The following ZNF160 variants were observed in gnomAD, a reference collection of about 807,000 sequenced individuals.
ZNF160 encodes the protein KRAB zinc finger protein KR18.
A neutral mutation model predicts 13.1 loss-of-function variants in ZNF160; 9 were observed. The ratio of observed to expected loss-of-function variants is 0.69; its 90% CI spans 0.41 to 1.20. The LOEUF (loss-of-function observed/expected upper bound fraction) is 1.20, where lower values mean the gene tolerates loss of function less well. Ranked by LOEUF, ZNF160 falls within the 50% of genes most tolerant of loss-of-function variation. The probability of loss-of-function intolerance (pLI) is 0.01; values close to 1 mark genes in which losing one functional copy is unlikely to be tolerated. For missense variants in ZNF160, 838 were observed against 988.0 expected (o/e 0.85, Z 2.04); for synonymous variants, 293 against 333.2 (o/e 0.88, Z 1.31).
chr19:53,094,393 T>G (rs966733025), intron 1 of ZNF160, among the ~76,000 whole-genome samples: 10 of 152,098 alleles, frequency 6.6e-5, no homozygotes, highest in African/African-American at 2.4e-4. Context: ...TCACCTTCGT[T>G]TCATCCTCTA....
Position 53,102,373 on chromosome 19 carries a change from C to G in ZNF160, c.-354+892G>C, listed in dbSNP as rs1381315646. On this transcript the variant is annotated intron_variant, in intron 1 of 5. Coordinates refer to ENST00000683776, the MANE Select transcript of ZNF160 (RefSeq NM_001322131.2). ...CTCCCTCTGCTCGCCTTGTCACCAGCTGTCCCCTCCAGCTGTCCCAGCACC... is the reference window on the plus strand; with the variant it reads ...CTCCCTCTGCTCGCCTTGTCACCAGGTGTCCCCTCCAGCTGTCCCAGCACC... Among the ~76,000 whole-genome samples, 12 of 152,286 alleles carry G rather than the reference C, an allele frequency of 7.9e-5. No individual in the cohort carries two copies. In the East Asian group the frequency reaches 2.1e-3, roughly 27 times the overall value.
At chr19:53,080,592 A>C (rs1210812108) in intron 3 of ZNF160, among the ~76,000 whole-genome samples, 2 of 152,260 alleles carry the variant, frequency 1.3e-5, no homozygotes, top group Non-Finnish European at 2.9e-5. Flanking sequence ...CAAATGGAAA[A>C]GCATTTCATG....
chr19:53,073,324 G>C (rs940991359), intron 5 of ZNF160: 1 of 1,595,758 alleles, frequency 6.3e-7, no homozygotes, highest in African/African-American at 1.3e-5. Context: ...TTACGGTTAT[G>C]CTGAGAACAA....
In ZNF160 at chr19:53,075,179, C is replaced by A. The variant is rs329709; in HGVS notation, c.20G>T (p.Arg7Leu). Residue 7 changes from arginine to leucine, a missense_variant, in exon 4 of 6, where the codon CGG becomes CTG. This residue lies in a region of ZNF160 where 387 missense variants were observed against 402.3 expected (regional missense o/e 0.96). Coordinates refer to ENST00000683776, the MANE Select transcript of ZNF160 (RefSeq NM_001322131.2). The part of the protein sequence containing the change: MALTQV[R>L]LTFRDVAIEF... ...TATGGCCACATCCCTAAATGTCAACCGTACCTAAAATGAAAAACACATTTC... is the reference window on the plus strand; with the variant it reads ...TATGGCCACATCCCTAAATGTCAACAGTACCTAAAATGAAAAACACATTTC... The A allele has an allele frequency of 6.2e-7, 1 of 1,613,822 alleles. No homozygotes were observed.
At chr19:53,085,049 G>A (rs1457410016) in intron 3 of ZNF160, 4 of 411,092 alleles carry the variant, frequency 9.7e-6, no homozygotes, top group Non-Finnish European at 1.3e-5. Flanking sequence ...AATCTCTGGG[G>A]CTCAAATGAT....
At chr19:53,100,732 C>T (rs112243698) in intron 1 of ZNF160, among the ~76,000 whole-genome samples, 1,657 of 152,216 alleles carry the variant, frequency 0.011, 28 homozygotes, top group African/African-American at 0.037. Context: ...TAGTGGCTCA[C>T]GCCTGTAATC....
chr19:53,100,480 GC>G (rs2085403621), intron 1 of ZNF160, among the ~76,000 whole-genome samples: 12 of 152,086 alleles, frequency 7.9e-5, no homozygotes, highest in Admixed American at 7.9e-4. Context: ...CGTGGTGGCG[GC>G]TGCCTGTAGT....
At chr19:53,090,675 A>G (rs1315911096) in intron 2 of ZNF160, among the ~76,000 whole-genome samples, 1 of 152,106 alleles carries the variant, frequency 6.6e-6, no homozygotes, top group African/African-American at 2.4e-5. Flanking sequence ...CCTGCAGGAT[A>G]GAGGGCAAGG....
chr19:53,086,169 C>A, intron 3 of ZNF160, 93 bp downstream of exon 3: 1 of 1,420,870 alleles, frequency 7.0e-7, no homozygotes, highest in South Asian at 1.2e-5. Flanking sequence ...ACATGTCAGG[C>A]AGGACGCTTC....
chr19:53,092,153 G>A (rs911176514), intron 1 of ZNF160, among the ~76,000 whole-genome samples: 5 of 151,960 alleles, frequency 3.3e-5, no homozygotes, highest in Non-Finnish European at 7.4e-5. Flanking sequence ...AGAAACCAAA[G>A]AACATAGATT....
chr19:53,073,262 GCAC>G lies in ZNF160; in HGVS notation c.271+875_271+877del. On this transcript the variant is annotated intron_variant, in intron 5 of 5. Transcript: ENST00000683776. The stretch of plus-strand genomic sequence containing the variant: ...GCTGAAGCCTGGAAAAACAGAATAC[GCAC>G]CCCATGTAAGACTGAGGATCAATGA... 5 of 1,506,108 alleles carry G rather than the reference GCAC, an allele frequency of 3.3e-6. No homozygotes were observed. In the South Asian group the frequency reaches 6.6e-5, roughly 20 times the overall value. The allele number at this position is 1,506,108 out of a possible 1,614,324, so 93.3% of individuals were successfully genotyped here. A position where few individuals can be genotyped will look rare whatever the true frequency, so the allele number is the denominator to read the frequency against.
chr19:53,076,388 C>T (rs1437438884), intron 3 of ZNF160, among the ~76,000 whole-genome samples: 6 of 152,164 alleles, frequency 3.9e-5, no homozygotes, highest in African/African-American at 1.4e-4. Context: ...TGCCTGTAAT[C>T]CAGCACTTTG....
chr19:53,070,833 T>A (rs1333455664), intron 5 of ZNF160, among the ~76,000 whole-genome samples: 4 of 152,104 alleles, frequency 2.6e-5, no homozygotes, highest in Admixed American at 2.6e-4. Context: ...GGTGGGAGGA[T>A]CACAGGAGGC....
rs59972357 is a variant in ZNF160 at position 53,099,079 on chromosome 19, G to A, written c.-354+4186C>T. On this transcript the variant is annotated intron_variant, in intron 1 of 5. Transcript: ENST00000683776. ...CAACCCCAGAGCAGGTGCTGCAGTC[G>A]TCCCGTGGCCAAGATGGAGACACAA... is the stretch of plus-strand genomic sequence containing the variant. Among the ~76,000 whole-genome samples, 205 of 148,730 alleles carry A rather than the reference G, an allele frequency of 1.4e-3. 1 individual carries two copies. The highest frequency in any genetic ancestry group is 5.0e-3 in the African/African-American group (193 of 38,436).
chr19:53,092,059 T>C (rs2085054891), intron 1 of ZNF160, among the ~76,000 whole-genome samples: 1 of 152,242 alleles, frequency 6.6e-6, no homozygotes, highest in African/African-American at 2.4e-5. Context: ...GTCATTGTAA[T>C]ATGCTTATGT....
chr19:53,102,983 C>T (rs2085502207), intron 1 of ZNF160, among the ~76,000 whole-genome samples: 1 of 152,092 alleles, frequency 6.6e-6, no homozygotes, highest in Non-Finnish European at 1.5e-5. Flanking sequence ...GGCGGAGGCG[C>T]GGCCTCCCCG....
chr19:53,075,604 T>C, intron 3 of ZNF160: 1 of 370,870 alleles, frequency 2.7e-6, no homozygotes, highest in South Asian at 2.0e-5. Context: ...TAATGGGGCC[T>C]CCATGAAAAC....
intron 1 of ZNF160, chr19:53,095,909 G>A (rs576322288): frequency 6.6e-6 from 1 of 152,136 alleles, no homozygotes; most frequent in Non-Finnish European, 1.5e-5. Context: ...AATTAAATAA[G>A]TAAATAATTA....
At chr19:53,102,461 G>A (rs2085480901) in intron 1 of ZNF160, among the ~76,000 whole-genome samples, 1 of 152,138 alleles carries the variant, frequency 6.6e-6, no homozygotes, top group South Asian at 2.1e-4. Flanking sequence ...GTCTGAGGAG[G>A]CTCCTTCTTT....
Sources: gnomAD v4.1 joint callset for allele counts (sites outside exome capture counted in the v4.1 genomes callset) on GRCh38, gnomAD v4.1.1 for gene constraint, gnomAD v4.1.1 regional missense constraint, MANE v1.5 for transcripts, NCBI Gene and HGNC (gene_info 2026-07-23, HGNC 2026-07-21) for gene names.